Variants in HIRA observed in about 807,000 individuals in gnomAD.
The protein encoded by HIRA is protein HIRA.
In HIRA, 13 loss-of-function variants were observed where a neutral mutation model predicts 126.6. That is an observed-to-expected ratio of 0.10 (90% CI 0.07 to 0.16). The LOEUF is 0.16. HIRA is among the 10% of genes least tolerant of loss of function. The pLI is 1.00. For missense variants in HIRA, 834 were observed against 1,314.4 expected (o/e 0.63, Z 5.65); for synonymous variants, 511 against 520.0 (o/e 0.98, Z 0.24).
intron 15 of HIRA, among the ~76,000 whole-genome samples, chr22:19,373,039 C>T (rs1047260985): frequency 1.3e-5 from 2 of 152,108 alleles, no homozygotes; most frequent in African/African-American, 2.4e-5. Context: ...TCCAATTTAT[C>T]GATTCCTTCC....
chr22:19,359,565 C>G, intron 17 of HIRA, 81 bp from the exon 18 acceptor site: 1 of 1,382,092 alleles, frequency 7.2e-7, no homozygotes, highest in Non-Finnish European at 9.4e-7. Context: ...TAGCCTGGGG[C>G]CCCAAGGCAG....
chr22:19,429,833 A>G (rs1265028083), intron 1 of HIRA, among the ~76,000 whole-genome samples: 1 of 152,242 alleles, frequency 6.6e-6, no homozygotes, highest in East Asian at 1.9e-4. Context: ...TAGGTAAAGC[A>G]TTTTAAAATA....
chr22:19,339,553 C>T (rs1556007059), intron 24 of HIRA, among the ~76,000 whole-genome samples: 1 of 151,402 alleles, frequency 6.6e-6, no homozygotes, highest in East Asian at 1.9e-4. Flanking sequence ...CTGAGAATTG[C>T]TTGAACCTGG....
At position 19,431,674 on chromosome 22, in the gene HIRA, G is replaced by T; in HGVS notation, c.-198C>A. 1 of 463,740 alleles carries T rather than the reference G, an allele frequency of 2.2e-6. No individual in the cohort carries two copies. Among genetic ancestry groups the T allele is most frequent in the African/African-American group, 2.1e-5 (1 of 48,370 alleles). The allele number at this position is 463,740 out of a possible 1,614,324, so 28.7% of individuals were successfully genotyped here. A position where few individuals can be genotyped will look rare whatever the true frequency, so the allele number is the denominator to read the frequency against. ...CAGCCGCCACCCGCGCTCGGCCGCC[G>T]CCGCCGCCACCACAGCCGCATCCCC... On this transcript the variant is annotated 5_prime_UTR_variant, in exon 1 of 25. Transcript: ENST00000263208.
At chr22:19,396,325 G>A (rs2089223313) in intron 7 of HIRA, among the ~76,000 whole-genome samples, 1 of 152,166 alleles carries the variant, frequency 6.6e-6, no homozygotes, top group African/African-American at 2.4e-5. Context: ...AGACCAGCCT[G>A]GCCAACATGG....
chr22:19,356,798 C>T, intron 19 of HIRA, 92 bp downstream of exon 19: 1 of 1,307,010 alleles, frequency 7.7e-7, no homozygotes, highest in South Asian at 1.3e-5. Context: ...CAGCCTTGTC[C>T]ACTGCCTTCC....
At chr22:19,393,617 A>G (rs1214057670) in intron 8 of HIRA, among the ~76,000 whole-genome samples, 1 of 152,060 alleles carries the variant, frequency 6.6e-6, no homozygotes. Flanking sequence ...CAGCCTCCCA[A>G]AGTGCTGGGA....
At chr22:19,343,790 G>C (rs1556008176) in intron 24 of HIRA, among the ~76,000 whole-genome samples, 1 of 151,708 alleles carries the variant, frequency 6.6e-6, no homozygotes, top group African/African-American at 2.4e-5. Context: ...AGTTGGGTGT[G>C]GTGGTGCACG....
chr22:19,399,401 G>A (rs2089249377), intron 5 of HIRA, among the ~76,000 whole-genome samples: 1 of 129,986 alleles, frequency 7.7e-6, no homozygotes, highest in Non-Finnish European at 1.6e-5. Flanking sequence ...TTCACATTTT[G>A]TATTCTAAAT....
In HIRA at chr22:19,414,475, G is replaced by A. The variant is rs146471359; in HGVS notation, c.38-3697C>T. 2.6e-5 allele frequency among the ~76,000 whole-genome samples: 4 copies of A among 152,260 alleles called. No individual in the cohort carries two copies. The East Asian group carries it at 7.7e-4, about 29-fold the overall frequency. On this transcript the variant is annotated intron_variant, in intron 1 of 24. Transcript: ENST00000263208. Reference sequence around the variant, plus strand: ...CAGCAGTCCCACAGACCTTTGGTTTGGCTCCAAAAAGTCTCTGGGCTTTTA... The same window carrying A: ...CAGCAGTCCCACAGACCTTTGGTTTAGCTCCAAAAAGTCTCTGGGCTTTTA...
intron 1 of HIRA, 84 bp downstream of exon 1, chr22:19,431,356 G>T: frequency 1.4e-6 from 2 of 1,461,426 alleles, no homozygotes; most frequent in Non-Finnish European, 1.9e-6. Context: ...GGCGAGACAG[G>T]CAGGACTTGC....
At position 19,354,093 on chromosome 22, in the gene HIRA, A is replaced by G. The variant is rs782487132; in HGVS notation, c.2587T>C (p.Ser863Pro). Residue 863 changes from serine to proline, a missense_variant, in exon 22 of 25, where the codon TCA (serine) becomes CCA (proline). Physicochemically the swap from Ser to Pro is moderately conservative, Grantham distance 74. Transcript: ENST00000263208. ...CTAAAGTCTGCACACTGAGCCAGTGAGTCCTGCTTGTCAGAAACCAGGTTC... is the reference window on the plus strand; with the variant it reads ...CTAAAGTCTGCACACTGAGCCAGTGGGTCCTGCTTGTCAGAAACCAGGTTC... ...TWNLVSDKQD[S>P]LAQCADFRSS... is the part of the protein sequence containing the mutation. 7.4e-6 allele frequency: 12 copies of G among 1,612,974 alleles called. No homozygotes were observed. The South Asian group carries it at 1.3e-4, about 18-fold the overall frequency.
intron 24 of HIRA, among the ~76,000 whole-genome samples, chr22:19,336,707 T>C (rs1556006014): frequency 2.6e-5 from 4 of 152,220 alleles, no homozygotes; most frequent in Non-Finnish European, 5.9e-5. Context: ...ATGGATCACA[T>C]CACCGGGTTC....
intron 9 of HIRA, 29 bp downstream of exon 9, chr22:19,392,072 G>C: frequency 7.2e-7 from 1 of 1,381,174 alleles, no homozygotes; most frequent in South Asian, 1.2e-5. Flanking sequence ...CTCCCGTCCT[G>C]CAACAAAAGC....
At chr22:19,409,305 A>G (rs1256289832) in intron 2 of HIRA, among the ~76,000 whole-genome samples, 1 of 132,884 alleles carries the variant, frequency 7.5e-6, no homozygotes, top group Non-Finnish European at 1.5e-5. Context: ...TTTTTTTGAG[A>G]TGGAGTCTCA....
chr22:19,342,405 G>A lies in HIRA; in HGVS notation c.2937+8953C>T, dbSNP rs569962494. Among the ~76,000 whole-genome samples, 213 of 152,304 alleles carry A rather than the reference G, an allele frequency of 1.4e-3. 1 individual carries two copies. The highest frequency in any genetic ancestry group is 5.0e-3 in the African/African-American group (210 of 41,592). ...GAAAACAGTATGGGGACTCGTTCTG[G>A]AGATGGAGTCTCACTCTGTCACCCA... is the stretch of plus-strand genomic sequence containing the variant. On this transcript the variant is annotated intron_variant, in intron 24 of 24. Coordinates refer to ENST00000263208, the MANE Select transcript of HIRA (RefSeq NM_003325.4).
chr22:19,360,413 T>C (rs1369189458), intron 17 of HIRA, among the ~76,000 whole-genome samples: 1 of 152,130 alleles, frequency 6.6e-6, no homozygotes, highest in Non-Finnish European at 1.5e-5. Flanking sequence ...ACACCAGCAA[T>C]AAGAACAAAC....
intron 5 of HIRA, chr22:19,405,426 T>G (rs2089300290): frequency 6.3e-5 from 58 of 920,656 alleles, no homozygotes; most frequent in South Asian, 1.0e-4. Flanking sequence ...TGGGCATCTG[T>G]GAGCTGATTT....
intron 11 of HIRA, among the ~76,000 whole-genome samples, chr22:19,386,328 G>C (rs574378891): frequency 1.2e-4 from 18 of 152,138 alleles, no homozygotes; most frequent in Non-Finnish European, 2.4e-4. Context: ...GCCCTAACAA[G>C]CTAGACAGGA....
Sources: gnomAD v4.1 joint callset for allele counts (sites outside exome capture counted in the v4.1 genomes callset) on GRCh38, gnomAD v4.1.1 for gene constraint, MANE v1.5 for transcripts, NCBI Gene and HGNC (gene_info 2026-07-23, HGNC 2026-07-21) for gene names.